RPS24: variants seen among roughly 807,000 people sequenced by gnomAD.
RPS24 encodes small ribosomal subunit protein eS24.
For missense variants in RPS24, 100 were observed against 162.5 expected (o/e 0.62, Z 2.09); for synonymous variants, 72 against 55.6 (o/e 1.30, Z -1.31).
chr10:78,051,965 A>G (rs1409362192), intron 4 of RPS24, among the ~76,000 whole-genome samples: 1 of 152,122 alleles, frequency 6.6e-6, no homozygotes, highest in East Asian at 1.9e-4. Context: ...ATCTCTTATC[A>G]GATATATGGT....
chr10:78,041,986 C>T (rs1847991032), downstream of RPS24, among the ~76,000 whole-genome samples: 1 of 151,940 alleles, frequency 6.6e-6, no homozygotes, highest in African/African-American at 2.4e-5. Context: ...TGGGATGAAA[C>T]TCAGGCTTGG....
At position 78,054,822 on chromosome 10, in the gene RPS24, G is replaced by C. The variant is rs1412091645; in HGVS notation, c.682G>C (p.Ala228Pro). The C allele has an allele frequency of 3.2e-6, 5 of 1,551,564 alleles. No individual in the cohort carries two copies. The South Asian group carries it at 3.6e-5, about 11-fold the overall frequency. ...AGCCTTCATGTCGCCTGCCTCACCT[G>C]CTCCTGCTGGTTCTCCCCACCCTGT... The change falls in exon 5 of 5, where the codon GCT becomes CCT. Residue 228 changes from alanine to proline, a missense_variant. Coordinates refer to the RPS24 transcript ENST00000440692.
At chr10:78,036,011 C>T in intron 3 of RPS24, 1 of 413,724 alleles carries the variant, frequency 2.4e-6, no homozygotes, top group South Asian at 2.2e-5. Context: ...GGAAAGGTAG[C>T]CTGGCACCAA....
chr10:78,037,154 A>T (rs1847887649), intron 3 of RPS24, 40 bp from the exon 4 acceptor site: 1 of 1,571,342 alleles, frequency 6.4e-7, no homozygotes, highest in Non-Finnish European at 8.6e-7. Flanking sequence ...AATGATTTTA[A>T]TGTTTACAAG....
intron 1 of RPS24, chr10:78,034,392 A>G (rs974842560): frequency 1.6e-5 from 3 of 192,660 alleles, no homozygotes; most frequent in African/African-American, 2.3e-5. Flanking sequence ...TAGTGGGGAA[A>G]CAGGCCCTGG....
In RPS24 at chr10:78,054,561, T is replaced by C. The variant is rs72642283; in HGVS notation, c.421T>C (p.Leu141=). ...GGAATTGGGGCTTGGAGTGCAAGCATTGGGAAGAATTTCCCAGGAAGAGAG... is the reference window on the plus strand; with the variant it reads ...GGAATTGGGGCTTGGAGTGCAAGCACTGGGAAGAATTTCCCAGGAAGAGAG... The change falls in exon 5 of 5, where the codon TTG becomes CTG. Residue 141 remains leucine (L), a synonymous_variant. Transcript: ENST00000440692. The C allele has an allele frequency of 0.04, 61,804 of 1,546,974 alleles. 2,721 individuals carry two copies. Among genetic ancestry groups the C allele is most frequent in the East Asian group, 0.22 (8,852 of 40,812 alleles).
chr10:78,054,866 C>T (rs1180651381), exon 5 of RPS24: 1 of 1,549,540 alleles, frequency 6.5e-7, no homozygotes, highest in Non-Finnish European at 8.7e-7. Flanking sequence ...ACTTGGTCCT[C>T]CACTTGCCAG....
chr10:78,045,102 C>A (rs1160810495), downstream of RPS24, among the ~76,000 whole-genome samples: 1 of 152,066 alleles, frequency 6.6e-6, no homozygotes, highest in South Asian at 2.1e-4. Flanking sequence ...AATTCTCTGC[C>A]TCAGCTTCCC....
At position 78,037,870 on chromosome 10, in the gene RPS24, T is replaced by C. The variant is rs903080025; in HGVS notation, c.390+566T>C. 6 of 898,704 alleles carry C rather than the reference T, an allele frequency of 6.7e-6. No homozygotes were observed. In the African/African-American group the frequency reaches 1.1e-4, roughly 16 times the overall value. The allele number at this position is 898,704 out of a possible 1,614,324, so 55.7% of individuals were successfully genotyped here. On this transcript the variant is annotated intron_variant, in intron 4 of 5. Transcript: ENST00000372360. ...TGAATAGAATTAAGGTGTTGGGTTG[T>C]TAAATTAACAAATAATCAAGTGTTC...
At chr10:78,037,476 C>G in intron 4 of RPS24, 172 bp downstream of exon 4, 1 of 1,096,544 alleles carries the variant, frequency 9.1e-7, no homozygotes. Flanking sequence ...AGCATAGTGT[C>G]TTAACACCTC....
At chr10:78,045,963 C>G (rs139614455) in intron 4 of RPS24, among the ~76,000 whole-genome samples, 1 of 152,054 alleles carries the variant, frequency 6.6e-6, no homozygotes, top group East Asian at 1.9e-4. Flanking sequence ...GACCATGCCA[C>G]TGCACTCCAG....
intron 4 of RPS24, chr10:78,039,849 A>G (rs935947965): frequency 4.4e-5 from 16 of 362,664 alleles, no homozygotes; most frequent in African/African-American, 2.5e-4. Flanking sequence ...TGTCCAGCAC[A>G]ATGTTGCTGG....
In RPS24 at chr10:78,054,956, C is replaced by T. The variant is rs1408275837; in HGVS notation, c.816C>T (p.His272=). The T allele has an allele frequency of 4.7e-6, 7 of 1,489,218 alleles. No individual in the cohort carries two copies. The South Asian group carries it at 5.5e-5, about 12-fold the overall frequency. 92.3% of individuals were successfully genotyped at this position (1,489,218 alleles called of 1,614,324 possible). Residue 272 remains histidine, a synonymous_variant, in exon 5 of 5, where the codon CAC becomes CAT. Coordinates refer to the RPS24 transcript ENST00000440692. The stretch of plus-strand genomic sequence containing the variant: ...CTTTTGGCCCTTTCTTTGAAATCCA[C>T]CAGGAATCCAGCTGCTTCTCCCCAC...
chr10:78,042,891 C>T (rs930098799), downstream of RPS24, among the ~76,000 whole-genome samples: 1 of 152,300 alleles, frequency 6.6e-6, no homozygotes. Flanking sequence ...TGGCAAGTTG[C>T]TTATTTTAGG....
intron 4 of RPS24, among the ~76,000 whole-genome samples, chr10:78,052,018 AATTTATTTATTT>A (rs547804949): frequency 6.6e-6 from 1 of 151,562 alleles, no homozygotes; most frequent in African/African-American, 2.4e-5. Context: ...CCATTTTTAA[AATTTATTTATTT>A]ATTTATTTAT....
At chr10:78,041,279 G>A (rs1847983057), downstream of RPS24, among the ~76,000 whole-genome samples, 1 of 152,158 alleles carries the variant, frequency 6.6e-6, no homozygotes, top group Non-Finnish European at 1.5e-5. Context: ...GAAGGGTAGT[G>A]GAATGTTTTG....
chr10:78,043,826 G>C (rs894419562), downstream of RPS24, among the ~76,000 whole-genome samples: 8 of 152,150 alleles, frequency 5.3e-5, no homozygotes, highest in African/African-American at 1.9e-4. Context: ...AGTTTCAGTT[G>C]CTGTCGGTCA....
intron 4 of RPS24, chr10:78,038,142 C>A (rs989519106): frequency 6.1e-6 from 2 of 327,510 alleles, no homozygotes; most frequent in Non-Finnish European, 1.2e-5. Context: ...GTGGCAAAAA[C>A]CACAATTACT....
chr10:78,044,011 A>G (rs776190488), downstream of RPS24, among the ~76,000 whole-genome samples: 6 of 152,174 alleles, frequency 3.9e-5, no homozygotes. Flanking sequence ...ATGTGAATAC[A>G]TGTACGTATT....
Sources: gnomAD v4.1 joint callset for allele counts (sites outside exome capture counted in the v4.1 genomes callset) on GRCh38, gnomAD v4.1.1 for gene constraint, MANE v1.5 for transcripts, NCBI Gene and HGNC (gene_info 2026-07-23, HGNC 2026-07-21) for gene names.